Variants in EPHB2 observed in about 807,000 individuals in gnomAD.
The protein encoded by EPHB2 is EPH receptor B2, also known as ephrin type-B receptor 2.
A neutral mutation model predicts 96.4 loss-of-function variants in EPHB2; 18 were observed. That is an observed-to-expected ratio of 0.19 (90% CI 0.13 to 0.28). EPHB2 has a LOEUF of 0.28. Ranked by LOEUF, EPHB2 falls within the 10% of genes least tolerant of loss-of-function variation. The probability of loss-of-function intolerance (pLI) is 1.00; values close to 1 mark genes in which losing one functional copy is unlikely to be tolerated. For missense variants in EPHB2, 989 were observed against 1,355.4 expected (o/e 0.73, Z 4.25); for synonymous variants, 506 against 534.1 (o/e 0.95, Z 0.72).
chr1:22,819,250 T>TCTCTCTCTCTCTCTC (rs1645118734), intron 3 of EPHB2, among the ~76,000 whole-genome samples: 13 of 145,590 alleles, frequency 8.9e-5, no homozygotes, highest in East Asian at 6.1e-4. Flanking sequence ...TCTCTCTCTC[T>TCTCTCTCTCTCTCTC]GCTGGTCTTT....
chr1:22,816,270 C>G (rs190896989), intron 3 of EPHB2, among the ~76,000 whole-genome samples: 58 of 152,308 alleles, frequency 3.8e-4, no homozygotes, highest in Middle Eastern at 3.4e-3. Flanking sequence ...CCTCTCTGAG[C>G]CCCAGCCCTG....
At position 22,896,497 on chromosome 1, in the gene EPHB2, G is replaced by T. The variant is rs370041154; in HGVS notation, c.1765+19G>T. The T allele has an allele frequency of 2.5e-6, 4 of 1,613,994 alleles. No individual in the cohort carries two copies. The highest frequency in any genetic ancestry group is 3.4e-6 in the Non-Finnish European group (4 of 1,180,000). On this transcript the variant is annotated intron_variant, in intron 9 of 15. Coordinates refer to ENST00000374630, the MANE Select transcript of EPHB2 (RefSeq NM_017449.5). ...GGCCACAGTATGTACACACCCAAGCGGGCTGGAACCCTTGGGCCCTTCACT... is the reference window on the plus strand; with the variant it reads ...GGCCACAGTATGTACACACCCAAGCTGGCTGGAACCCTTGGGCCCTTCACT...
At chr1:22,880,229 A>G (rs892962221) in intron 5 of EPHB2, among the ~76,000 whole-genome samples, 3 of 152,166 alleles carry the variant, frequency 2.0e-5, no homozygotes, top group Non-Finnish European at 4.4e-5. Flanking sequence ...AGGGACAGAC[A>G]CAGAGCAGGA....
intron 3 of EPHB2, among the ~76,000 whole-genome samples, chr1:22,786,660 G>A (rs1644615729): frequency 6.6e-6 from 1 of 152,212 alleles, no homozygotes; most frequent in South Asian, 2.1e-4. Context: ...GGGAACCATT[G>A]TTTTCATCTC....
In EPHB2 at chr1:22,846,459, G is replaced by A. The variant is rs1570376992; in HGVS notation, c.812-16578G>A. 6.6e-6 allele frequency among the ~76,000 whole-genome samples: 1 copy of A among 152,016 alleles called. No homozygotes were observed. The highest frequency in any genetic ancestry group is 1.9e-4 in the East Asian group (1 of 5,146). Reference sequence around the variant, plus strand: ...AAAGAAAAGAAAGTCCTAGGTCAGGGACCGGGCAGACTTCTTCCTGATTTC... The same window carrying A: ...AAAGAAAAGAAAGTCCTAGGTCAGGAACCGGGCAGACTTCTTCCTGATTTC... On this transcript the variant is annotated intron_variant, in intron 3 of 15. Coordinates refer to ENST00000374630, the MANE Select transcript of EPHB2 (RefSeq NM_017449.5). The surrounding 1 kb of genome is among the most constrained non-coding windows in gnomAD (Gnocchi z 4.3).
At chr1:22,888,134 C>T (rs941177108) in intron 6 of EPHB2, among the ~76,000 whole-genome samples, 2 of 152,156 alleles carry the variant, frequency 1.3e-5, no homozygotes, top group South Asian at 2.1e-4. Flanking sequence ...CTCCGTCTCC[C>T]GGGTTCAAGT....
chr1:22,724,574 G>A (rs774666967), intron 1 of EPHB2, among the ~76,000 whole-genome samples: 3 of 152,190 alleles, frequency 2.0e-5, no homozygotes, highest in African/African-American at 2.4e-5. Context: ...TAAATAACTC[G>A]TTGCAAAATA....
At chr1:22,838,802 G>C (rs1472978072) in intron 3 of EPHB2, among the ~76,000 whole-genome samples, 2 of 152,034 alleles carry the variant, frequency 1.3e-5, no homozygotes, top group Admixed American at 1.3e-4. Context: ...GTGGTGGCAG[G>C]TGCCTGTAGT....
At chr1:22,880,768 C>T (rs989129452) in intron 5 of EPHB2, among the ~76,000 whole-genome samples, 10 of 152,220 alleles carry the variant, frequency 6.6e-5, no homozygotes, top group African/African-American at 2.2e-4. Context: ...ACTCAGGAAG[C>T]GTGTGTAAAG....
At position 22,906,763 on chromosome 1, in the gene EPHB2, A is replaced by G. The variant is rs1320967724; in HGVS notation, c.1942A>G (p.Ile648Val). Residue 648 changes from isoleucine (I) to valine (V), a missense_variant, in exon 11 of 16, where the codon ATC (isoleucine) becomes GTC (valine). Physicochemically the swap from Ile to Val is conservative, Grantham distance 29 (BLOSUM62 3). Transcript: ENST00000374630. This position sits in a 1 kb window ranked among gnomAD's most constrained non-coding sequence, Gnocchi z 4.8. ...CCTGAAGCTGCCAGGCAAGAGAGAG[A>G]TCTTTGTGGCCATCAAGACGCTCAA... ...GHLKLPGKRE[I>V]FVAIKTLKSG... 2 of 1,614,012 alleles carry G rather than the reference A, an allele frequency of 1.2e-6. No individual in the cohort carries two copies. The highest frequency in any genetic ancestry group is 2.7e-5 in the African/African-American group (2 of 74,906).
intron 5 of EPHB2, among the ~76,000 whole-genome samples, chr1:22,877,055 G>T (rs897195939): frequency 2.6e-5 from 4 of 152,230 alleles, no homozygotes; most frequent in African/African-American, 9.6e-5. Context: ...AACCAGGCGG[G>T]GTTAGCTCTG....
At chr1:22,907,844 C>A in intron 11 of EPHB2, 109 bp from the exon 12 acceptor site, 1 of 1,397,774 alleles carries the variant, frequency 7.2e-7, no homozygotes, top group Non-Finnish European at 1.0e-6. Context: ...CCAGGGGAGC[C>A]CAGAGCCAGG....
In EPHB2 at chr1:22,914,061, C is replaced by A; in HGVS notation, c.*491C>A. 1.4e-6 allele frequency: 1 copy of A among 703,662 alleles called. No individual in the cohort carries two copies. 43.6% of individuals were successfully genotyped at this position (703,662 alleles called of 1,614,324 possible). A position where few individuals can be genotyped will look rare whatever the true frequency, so the allele number is the denominator to read the frequency against. The stretch of plus-strand genomic sequence containing the variant: ...CTCTAGGCCTCACTCAACAACCAAG[C>A]GCCTGGAGGACGGGACAGATGGACA... On this transcript the variant is annotated 3_prime_UTR_variant, in exon 16 of 16. Transcript: ENST00000374630.
At chr1:22,814,817 G>A (rs1475328253) in intron 3 of EPHB2, among the ~76,000 whole-genome samples, 7 of 152,230 alleles carry the variant, frequency 4.6e-5, no homozygotes, top group Non-Finnish European at 7.3e-5. Flanking sequence ...ACTGGCAGCC[G>A]TGGTTTACAA....
chr1:22,918,176 G>A lies in EPHB2; in HGVS notation c.*4606G>A, dbSNP rs147065630. The A allele has an allele frequency of 7.3e-3, 1,118 of 152,174 alleles. 7 individuals carry two copies. Among genetic ancestry groups the A allele is most frequent in the Middle Eastern group, 0.017 (5 of 294 alleles). The allele number at this position is 152,174 out of a possible 1,614,324, so 9.4% of individuals were successfully genotyped here. On this transcript the variant is annotated 3_prime_UTR_variant, in exon 16 of 16. Coordinates refer to ENST00000374630, the MANE Select transcript of EPHB2 (RefSeq NM_017449.5). The surrounding 1 kb of genome is among the most constrained non-coding windows in gnomAD (Gnocchi z 4.2). ...CCCGAGAAGGAATTGCCCCCGGAGCGGCCCTCATTTATTCCAGGAGAAGCC... is the reference window on the plus strand; with the variant it reads ...CCCGAGAAGGAATTGCCCCCGGAGCAGCCCTCATTTATTCCAGGAGAAGCC...
chr1:22,775,342 G>A, intron 1 of EPHB2: 1 of 746,704 alleles, frequency 1.3e-6, no homozygotes, highest in South Asian at 1.4e-5. Context: ...CATTTAGAGG[G>A]CCCTGGCCAG....
At chr1:22,750,027 C>T (rs751694312) in intron 1 of EPHB2, among the ~76,000 whole-genome samples, 3 of 152,182 alleles carry the variant, frequency 2.0e-5, no homozygotes, top group African/African-American at 7.2e-5. Context: ...CCTGCATTAT[C>T]TCATTAATAA....
At chr1:22,865,351 TGG>T in intron 5 of EPHB2, 139 bp downstream of exon 5, 1 of 1,001,340 alleles carries the variant, frequency 1.0e-6, no homozygotes, top group Non-Finnish European at 1.5e-6. Context: ...TCGGTCCACC[TGG>T]GAGAGTAAGT....
chr1:22,802,330 G>GC (rs1209115924), intron 3 of EPHB2, among the ~76,000 whole-genome samples: 1 of 152,088 alleles, frequency 6.6e-6, no homozygotes, highest in African/African-American at 2.4e-5. Context: ...CCTGGGAGGG[G>GC]CTTTGGGGGA....
Sources: allele counts gnomAD v4.1 joint callset (sites outside exome capture counted in the v4.1 genomes callset), GRCh38; gene constraint gnomAD v4.1.1; non-coding constraint Gnocchi (gnomAD v3.1); transcripts MANE v1.5; gene names NCBI Gene and HGNC (gene_info 2026-07-23, HGNC 2026-07-21).